Variants in TANGO6 observed in about 807,000 individuals in gnomAD.
TANGO6 encodes transport and Golgi organization protein 6 homolog.
TANGO6 carries 90 observed loss-of-function variants against 114.2 expected under a neutral mutation model. That is an observed-to-expected ratio of 0.79 (90% CI 0.66 to 0.94). The LOEUF (loss-of-function observed/expected upper bound fraction) is 0.94. TANGO6 is among the 40% of genes least tolerant of loss of function. The pLI is 0.00. For missense variants in TANGO6, 1,274 were observed against 1,315.3 expected (o/e 0.97, Z 0.49); for synonymous variants, 477 against 509.8 (o/e 0.94, Z 0.87).
chr16:68,958,105 A>C (rs1387629746), intron 14 of TANGO6, among the ~76,000 whole-genome samples: 2 of 150,718 alleles, frequency 1.3e-5, no homozygotes, highest in Admixed American at 1.3e-4. Context: ...CGGGAGGCAA[A>C]GGTTGTAGCG....
chr16:68,916,922 A>G (rs1256278143), intron 11 of TANGO6, among the ~76,000 whole-genome samples: 1 of 152,002 alleles, frequency 6.6e-6, no homozygotes, highest in Non-Finnish European at 1.5e-5. Flanking sequence ...TCACCACCCA[A>G]CGTCCATAGT....
intron 1 of TANGO6, among the ~76,000 whole-genome samples, chr16:68,852,211 G>A (rs1425635831): frequency 6.6e-6 from 1 of 152,096 alleles, no homozygotes; most frequent in Non-Finnish European, 1.5e-5. Context: ...ATTCTAGTTG[G>A]TAGAAAGACA....
At position 68,843,536 on chromosome 16, in the gene TANGO6, CT is replaced by C. The variant is rs1165514195; in HGVS notation, c.-80del. 9.4e-6 allele frequency: 13 copies of C among 1,386,830 alleles called. No homozygotes were observed. The highest frequency in any genetic ancestry group is 1.3e-5 in the Non-Finnish European group (13 of 992,478). The allele number at this position is 1,386,830 out of a possible 1,614,324, so 85.9% of individuals were successfully genotyped here. On this transcript the variant is annotated 5_prime_UTR_variant, in exon 1 of 18. Transcript: ENST00000261778. ...CCCCGCCCCATAGTGTGCCCAGAGC[CT>C]TCTGCCACACTTAACATGGCGGCGG... is the stretch of plus-strand genomic sequence containing the variant.
At chr16:69,048,730 C>G (rs1959900900) in intron 17 of TANGO6, among the ~76,000 whole-genome samples, 1 of 152,082 alleles carries the variant, frequency 6.6e-6, no homozygotes, top group Non-Finnish European at 1.5e-5. Flanking sequence ...GAAGGCAAAC[C>G]CTGGCTAAAG....
intron 17 of TANGO6, among the ~76,000 whole-genome samples, chr16:69,046,321 AT>A (rs573859095): frequency 0.014 from 1,940 of 140,690 alleles, 15 homozygotes; most frequent in African/African-American, 0.029. Flanking sequence ...TCAGAAAAGG[AT>A]TTTTTTTTTT....
intron 2 of TANGO6, among the ~76,000 whole-genome samples, chr16:68,862,013 T>A (rs1202404687): frequency 1.3e-5 from 2 of 150,772 alleles, no homozygotes; most frequent in Admixed American, 1.3e-4. Context: ...GAGACATCTA[T>A]TTTTTTTTAA....
intron 12 of TANGO6, among the ~76,000 whole-genome samples, chr16:68,921,166 G>T: frequency 6.7e-6 from 1 of 149,650 alleles, no homozygotes; most frequent in Admixed American, 6.6e-5. Flanking sequence ...TTCACTGATG[G>T]AATCATTTTT....
chr16:68,971,602 C>T (rs562534496), intron 14 of TANGO6, among the ~76,000 whole-genome samples: 13 of 151,438 alleles, frequency 8.6e-5, no homozygotes, highest in Admixed American at 2.0e-4. Context: ...GCAAACAATT[C>T]ATTTACCCTT....
At chr16:69,017,841 C>G (rs562845150) in intron 15 of TANGO6, among the ~76,000 whole-genome samples, 5 of 152,032 alleles carry the variant, frequency 3.3e-5, no homozygotes, top group Non-Finnish European at 7.4e-5. Context: ...CTTCCTAACT[C>G]CAGAAAGAGA....
intron 3 of TANGO6, 51 bp from the exon 4 acceptor site, chr16:68,867,028 T>G: frequency 1.7e-6 from 1 of 597,016 alleles, no homozygotes; most frequent in Non-Finnish European, 2.8e-6. Context: ...CGCCCGGCCA[T>G]CATATCTATT....
intron 14 of TANGO6, among the ~76,000 whole-genome samples, chr16:68,967,871 T>C (rs1465730971): frequency 6.6e-6 from 1 of 151,980 alleles, no homozygotes; most frequent in Non-Finnish European, 1.5e-5. Flanking sequence ...AATGCAAGAG[T>C]ACTAAGTAAA....
chr16:69,062,201 TGG>T (rs971594068), intron 17 of TANGO6, among the ~76,000 whole-genome samples: 1 of 152,186 alleles, frequency 6.6e-6, no homozygotes, highest in African/African-American at 2.4e-5. Context: ...AAAATCATTG[TGG>T]ATAATTCAGA....
intron 14 of TANGO6, among the ~76,000 whole-genome samples, chr16:68,936,276 G>A (rs1415322581): frequency 6.6e-6 from 1 of 152,176 alleles, no homozygotes; most frequent in Non-Finnish European, 1.5e-5. Flanking sequence ...TTTTGAAATA[G>A]ATGTTCAATA....
intron 15 of TANGO6, among the ~76,000 whole-genome samples, chr16:68,980,435 A>ATATTTTTTTT (rs1317961639): frequency 1.6e-5 from 1 of 61,778 alleles, no homozygotes; most frequent in African/African-American, 7.2e-5. Context: ...ATATATATAT[A>ATATTTTTTTT]TTTTTTTTTT....
At chr16:69,035,425 T>TA (rs1959670631) in intron 16 of TANGO6, 1 of 152,240 alleles carries the variant, frequency 6.6e-6, no homozygotes, top group Non-Finnish European at 1.5e-5. Context: ...GTTGGAAAAT[T>TA]AAAGTCATGC....
chr16:69,037,150 A>G lies in TANGO6; in HGVS notation c.2995-3158A>G, dbSNP rs542550238. Among the ~76,000 whole-genome samples, 392 of 151,906 alleles carry G rather than the reference A, an allele frequency of 2.6e-3. 1 individual carries two copies. The highest frequency in any genetic ancestry group is 0.025 in the South Asian group (120 of 4,804). ...GAGTCCATCTCAAAAAAAAAAAAAA[A>G]AAAAAAGAATTGCCCTTGAAGGGAA... is the stretch of plus-strand genomic sequence containing the variant. On this transcript the variant is annotated intron_variant, in intron 16 of 17. Transcript: ENST00000261778.
chr16:68,946,484 G>A (rs567733061), intron 14 of TANGO6, among the ~76,000 whole-genome samples: 34 of 152,162 alleles, frequency 2.2e-4, no homozygotes, highest in East Asian at 2.1e-3. Context: ...GTGAGCCACC[G>A]CGCCCGGCCT....
In TANGO6 at chr16:68,900,423, C is replaced by G. The variant is rs1283325893; in HGVS notation, c.1378-11C>G. The G allele has an allele frequency of 1.2e-6, 2 of 1,612,422 alleles. No individual in the cohort carries two copies. The highest frequency in any genetic ancestry group is 1.3e-5 in the African/African-American group (1 of 74,964). On this transcript the variant is annotated splice_polypyrimidine_tract_variant and intron_variant, in intron 7 of 17. Coordinates refer to ENST00000261778, the MANE Select transcript of TANGO6 (RefSeq NM_024562.2). The stretch of plus-strand genomic sequence containing the variant: ...TCATGGGATTATTCTTCACCATTTC[C>G]TTTTTTCTAGGTGTACGTGGTTGGG...
chr16:68,900,433 G>A lies in TANGO6; in HGVS notation c.1378-1G>A, dbSNP rs1321292481. ...ATTCTTCACCATTTCCTTTTTTCTA[G>A]GTGTACGTGGTTGGGAATGAACCTT... On this transcript the variant is annotated splice_acceptor_variant, in intron 7 of 17. Transcript: ENST00000261778. LOFTEE classifies it high-confidence loss of function. 1.9e-6 allele frequency: 3 copies of A among 1,612,870 alleles called. No homozygotes were observed. The highest frequency in any genetic ancestry group is 1.3e-5 in the African/African-American group (1 of 74,846).
Sources: gnomAD v4.1 joint callset for allele counts (sites outside exome capture counted in the v4.1 genomes callset) on GRCh38, gnomAD v4.1.1 for gene constraint, MANE v1.5 for transcripts, NCBI Gene and HGNC (gene_info 2026-07-23, HGNC 2026-07-21) for gene names.